CDCA2: variants seen among roughly 807,000 people sequenced by gnomAD.
CDCA2 encodes the protein cell division cycle associated 2.
A neutral mutation model predicts 67.0 loss-of-function variants in CDCA2; 44 were observed. The ratio of observed to expected loss-of-function variants is 0.66; its 90% CI spans 0.52 to 0.84. CDCA2 has a LOEUF of 0.84. CDCA2 is among the 40% of genes least tolerant of loss of function. The probability of loss-of-function intolerance (pLI) is 0.00; values close to 1 mark genes in which losing one functional copy is unlikely to be tolerated. For missense variants in CDCA2, 1,253 were observed against 1,203.2 expected (o/e 1.04, Z -0.61); for synonymous variants, 447 against 418.7 (o/e 1.07, Z -0.82).
chr8:25,470,730 GT>G (rs1393260241), intron 7 of CDCA2, among the ~76,000 whole-genome samples: 1 of 149,534 alleles, frequency 6.7e-6, no homozygotes, highest in Non-Finnish European at 1.5e-5. Context: ...ACAAGATGTT[GT>G]TTTTGGATTA....
chr8:25,480,110 C>CT lies in CDCA2; in HGVS notation c.1019dup (p.Glu341ArgfsTer8). On this transcript the variant is annotated frameshift_variant, in exon 8 of 15. Transcript: ENST00000330560. LOFTEE classifies it high-confidence loss of function. ...GAAGAAACCCTCTGTTAAGATGTGT[C>CT]TAGAGAGCTTACAGGTAAGAAGAGA... 1 of 1,613,764 alleles carries CT rather than the reference C, an allele frequency of 6.2e-7. No homozygotes were observed. The highest frequency in any genetic ancestry group is 1.3e-5 in the African/African-American group (1 of 75,020).
At position 25,484,105 on chromosome 8, in the gene CDCA2, T is replaced by G. The variant is rs1803672452; in HGVS notation, c.1260T>G (p.Pro420=). The part of the protein sequence containing the change: ...ANTPLRKGGT[P]VCKKDFSGLS... ...CTCCATTGCGTAAAGGAGGAACACC[T>G]GTTTGTAAAAAAGACTTCAGTGGTC... The change falls in exon 10 of 15, where the codon CCT becomes CCG. Residue 420 remains proline (P), a synonymous_variant. Transcript: ENST00000330560. The G allele has an allele frequency of 6.2e-7, 1 of 1,614,094 alleles. No individual in the cohort carries two copies. Among genetic ancestry groups the G allele is most frequent in the Non-Finnish European group, 8.5e-7 (1 of 1,180,038 alleles).
At chr8:25,469,054 G>A (rs1171740060) in intron 6 of CDCA2, among the ~76,000 whole-genome samples, 1 of 152,196 alleles carries the variant, frequency 6.6e-6, no homozygotes, top group Non-Finnish European at 1.5e-5. Context: ...CTGCGCGCAC[G>A]CGTGAATGGA....
At chr8:25,485,509 A>C (rs2117519250) in intron 10 of CDCA2, among the ~76,000 whole-genome samples, 1 of 152,248 alleles carries the variant, frequency 6.6e-6, no homozygotes, top group Non-Finnish European at 1.5e-5. Flanking sequence ...TTCGCTTATA[A>C]ATTTTCTTAG....
rs1486648507 is a variant in CDCA2 at position 25,507,774 on chromosome 8, A to G, written c.*36A>G. ...CTGCAGAGTCTGTGGCAAGAGGGAA[A>G]GTAACCATCTATGCTGAAATGATCT... On this transcript the variant is annotated 3_prime_UTR_variant, in exon 15 of 15. Coordinates refer to ENST00000330560, the MANE Select transcript of CDCA2 (RefSeq NM_152562.4). The G allele has an allele frequency of 4.5e-6, 7 of 1,571,826 alleles. No homozygotes were observed. The highest frequency in any genetic ancestry group is 6.0e-6 in the Non-Finnish European group (7 of 1,163,916).
At chr8:25,495,893 T>C (rs540601932) in intron 13 of CDCA2, among the ~76,000 whole-genome samples, 9 of 152,296 alleles carry the variant, frequency 5.9e-5, no homozygotes, top group African/African-American at 1.7e-4. Flanking sequence ...TCCAACAAAT[T>C]TAAAACTTTG....
Position 25,483,947 on chromosome 8 carries a change from A to T in CDCA2, c.1121-19A>T. On this transcript the variant is annotated intron_variant, in intron 9 of 14. Coordinates refer to ENST00000330560, the MANE Select transcript of CDCA2 (RefSeq NM_152562.4). ...ATAGCTTAATTTTTAAGTTACTCTC[A>T]TTTATTGTCTAATTATAGAAGATGA... 6.2e-7 allele frequency: 1 copy of T among 1,600,092 alleles called. No homozygotes were observed. The highest frequency in any genetic ancestry group is 1.7e-4 in the Middle Eastern group (1 of 6,002).
intron 13 of CDCA2, among the ~76,000 whole-genome samples, chr8:25,490,898 A>G (rs146160025): frequency 8.3e-4 from 126 of 152,288 alleles, no homozygotes; most frequent in African/African-American, 2.8e-3. Flanking sequence ...AACTTACCCA[A>G]TCTTAAATAA....
rs143432262 is a variant in CDCA2, at chr8:25,483,399, G to A, written c.1033G>A (p.Glu345Lys). 127 of 1,584,796 alleles carry A rather than the reference G, an allele frequency of 8.0e-5. No homozygotes were observed. Among genetic ancestry groups the A allele is most frequent in the Non-Finnish European group, 9.4e-5 (109 of 1,164,224 alleles). Residue 345 changes from glutamate (E) to lysine (K), a missense_variant and splice_region_variant, in exon 9 of 15, where the codon GAA (glutamate) becomes AAA (lysine). Physicochemically the swap from Glu to Lys is moderately conservative, Grantham distance 56 (BLOSUM62 1). Coordinates refer to ENST00000330560, the MANE Select transcript of CDCA2 (RefSeq NM_152562.4). The stretch of plus-strand genomic sequence containing the variant: ...ATTCATTAATGTTTATTCTGTTTAG[G>A]AACACTGTAACAACCTCTATGATGA... ...SVKMCLESLQ[E>K]HCNNLYDDDG...
At chr8:25,468,819 G>C (rs1336291942) in intron 6 of CDCA2, among the ~76,000 whole-genome samples, 1 of 152,112 alleles carries the variant, frequency 6.6e-6, no homozygotes, top group Non-Finnish European at 1.5e-5. Context: ...TGGATCAGGT[G>C]GAGATTCTGT....
intron 10 of CDCA2, among the ~76,000 whole-genome samples, chr8:25,485,164 A>G (rs1192180468): frequency 6.8e-6 from 1 of 147,442 alleles, no homozygotes; most frequent in Non-Finnish European, 1.5e-5. Context: ...GTGCACATGC[A>G]CCCTAAAACT....
chr8:25,487,788 G>A (rs1459181496), intron 12 of CDCA2, among the ~76,000 whole-genome samples: 1 of 152,144 alleles, frequency 6.6e-6, no homozygotes, highest in Non-Finnish European at 1.5e-5. Context: ...CCTATAAGGT[G>A]ATAGTGTGTT....
chr8:25,506,570 G>C lies in CDCA2; in HGVS notation c.1904G>C (p.Arg635Thr). 6.2e-7 allele frequency: 1 copy of C among 1,600,918 alleles called. No homozygotes were observed. Residue 635 changes from arginine (R) to threonine (T), a missense_variant, in exon 15 of 15, where the codon AGA (arginine) becomes ACA (threonine). Transcript: ENST00000330560. ...AAGACTCCTAAAAATCCAGTGAAAA[G>C]AAAGGATCTTTTGCGTCATGACCCA... ...EVKTPKNPVK[R>T]KDLLRHDPDL...
In CDCA2 at chr8:25,484,157, C is replaced by G. The variant is rs368293467; in HGVS notation, c.1312C>G (p.Pro438Ala). 1.2e-6 allele frequency: 2 copies of G among 1,614,096 alleles called. No homozygotes were observed. The highest frequency in any genetic ancestry group is 2.2e-5 in the South Asian group (2 of 91,092). The change falls in exon 10 of 15, where the codon CCT becomes GCT. Residue 438 changes from proline to alanine, a missense_variant. By Grantham distance (27) the Pro-to-Ala change is conservative (BLOSUM62 -1). Coordinates refer to ENST00000330560, the MANE Select transcript of CDCA2 (RefSeq NM_152562.4). ...GLSSLLLEQSPVPEPLPQPDF... is the reference protein window; with the variant it reads ...GLSSLLLEQSAVPEPLPQPDF... ...CAGTTCCCTGCTGCTTGAGCAGTCA[C>G]CTGTTCCTGAGCCATTACCTCAACC...
At chr8:25,467,069 C>A (rs141334740) in intron 5 of CDCA2, among the ~76,000 whole-genome samples, 1,644 of 105,884 alleles carry the variant, frequency 0.016, 59 homozygotes, top group African/African-American at 0.035. Flanking sequence ...AAAAAAAACA[C>A]ACACACACAC....
chr8:25,487,081 C>A (rs200499807), intron 11 of CDCA2, among the ~76,000 whole-genome samples, 165 bp from the exon 12 acceptor site: 4 of 149,586 alleles, frequency 2.7e-5, no homozygotes, highest in African/African-American at 4.9e-5. Context: ...TTTTTTAAAA[C>A]AAAAAAAAAA....
In CDCA2 at chr8:25,485,848, GT is replaced by G; in HGVS notation, c.1444+14del. 6.7e-7 allele frequency: 1 copy of G among 1,493,862 alleles called. No individual in the cohort carries two copies. The highest frequency in any genetic ancestry group is 9.2e-7 in the Non-Finnish European group (1 of 1,083,678). 92.5% of individuals were successfully genotyped at this position (1,493,862 alleles called of 1,614,324 possible). A position where few individuals can be genotyped will look rare whatever the true frequency, so the allele number is the denominator to read the frequency against. ...CTGAGACCCTTTCAGGTAGTAACTTGTTTATCTTAAAATCATAAATGTCATT... is the reference window on the plus strand; with the variant it reads ...CTGAGACCCTTTCAGGTAGTAACTTGTTATCTTAAAATCATAAATGTCATT... On this transcript the variant is annotated intron_variant, in intron 11 of 14. Transcript: ENST00000330560.
At chr8:25,471,107 T>G (rs1367833585) in intron 7 of CDCA2, among the ~76,000 whole-genome samples, 1 of 148,464 alleles carries the variant, frequency 6.7e-6, no homozygotes, top group Non-Finnish European at 1.5e-5. Context: ...GGAAAAATAG[T>G]CTTTTATATT....
At position 25,506,803 on chromosome 8, in the gene CDCA2, T is replaced by A. The variant is rs116133624; in HGVS notation, c.2137T>A (p.Ser713Thr). ...AAAAGCTGGAACTGACAGTCCTGTTTCTTGTGCTTCTGTAACTGAAGAACG... is the reference window on the plus strand; with the variant it reads ...AAAAGCTGGAACTGACAGTCCTGTTACTTGTGCTTCTGTAACTGAAGAACG... ...EPKAGTDSPV[S>T]CASVTEERVA... Residue 713 changes from serine (S) to threonine (T), a missense_variant, in exon 15 of 15, where the codon TCT (serine) becomes ACT (threonine). By Grantham distance (58) the Ser-to-Thr change is moderately conservative. Coordinates refer to ENST00000330560, the MANE Select transcript of CDCA2 (RefSeq NM_152562.4). 1.3e-3 allele frequency: 2,114 copies of A among 1,614,062 alleles called. 3 individuals are homozygous for A. The highest frequency in any genetic ancestry group is 1.6e-3 in the Non-Finnish European group (1,830 of 1,180,014).
Sources: gnomAD v4.1 joint callset for allele counts (sites outside exome capture counted in the v4.1 genomes callset) on GRCh38, gnomAD v4.1.1 for gene constraint, MANE v1.5 for transcripts, NCBI Gene and HGNC (gene_info 2026-07-23, HGNC 2026-07-21) for gene names.